The following CACNA1A variants were observed in gnomAD, a reference collection of about 807,000 sequenced individuals.
The protein encoded by CACNA1A is calcium voltage-gated channel subunit alpha1 A.
CACNA1A carries 57 observed loss-of-function variants against 262.4 expected under a neutral mutation model. The observed-to-expected ratio is 0.22, with a 90% CI of 0.18 to 0.27. The LOEUF is 0.27. Ranked by LOEUF, CACNA1A falls within the 10% of genes least tolerant of loss-of-function variation. The pLI is 1.00. For synonymous variants in CACNA1A, 1,431 were observed against 1,419.3 expected (o/e 1.01, Z -0.18); for missense variants, 2,526 against 3,562.8 (o/e 0.71, Z 7.41).
intron 3 of CACNA1A, among the ~76,000 whole-genome samples, chr19:13,384,323 AG>A (rs1169961770): frequency 6.6e-6 from 1 of 152,144 alleles, no homozygotes; most frequent in Non-Finnish European, 1.5e-5. Context: ...GAAAAAGCCA[AG>A]GGTCCCCAGT....
chr19:13,430,576 G>A (rs2060489003), intron 3 of CACNA1A, among the ~76,000 whole-genome samples: 1 of 152,118 alleles, frequency 6.6e-6, no homozygotes, highest in African/African-American at 2.4e-5. Flanking sequence ...GTCATGGCAG[G>A]GGCTTGATGC....
chr19:13,409,756 C>T (rs2060077288), intron 3 of CACNA1A, among the ~76,000 whole-genome samples: 1 of 152,016 alleles, frequency 6.6e-6, no homozygotes, highest in African/African-American at 2.4e-5. Flanking sequence ...GTTGCTTAGG[C>T]TGATCTCGAA....
intron 3 of CACNA1A, among the ~76,000 whole-genome samples, chr19:13,432,459 A>C (rs1032812486): frequency 2.0e-5 from 3 of 151,468 alleles, no homozygotes; most frequent in African/African-American, 7.3e-5. Context: ...AAAAATTAAA[A>C]ATTTCAAAAA....
intron 6 of CACNA1A, among the ~76,000 whole-genome samples, chr19:13,354,192 T>C (rs1277193034): frequency 1.3e-5 from 2 of 152,174 alleles, no homozygotes; most frequent in African/African-American, 2.4e-5. Context: ...GTGGGAAGCC[T>C]CTGCGGTACA....
At chr19:13,477,594 CTTA>C (rs1739001382) in intron 1 of CACNA1A, among the ~76,000 whole-genome samples, 1 of 152,160 alleles carries the variant, frequency 6.6e-6, no homozygotes, top group Admixed American at 6.5e-5. Flanking sequence ...GCGATCGTTC[CTTA>C]TTATTATTCA....
At chr19:13,471,907 C>A (rs930017784) in intron 1 of CACNA1A, among the ~76,000 whole-genome samples, 3 of 152,074 alleles carry the variant, frequency 2.0e-5, no homozygotes, top group Non-Finnish European at 2.9e-5. Context: ...GCGCTGAATG[C>A]CACTGAATTG....
rs1161893626 is a variant in CACNA1A, at chr19:13,388,245, CTTTTTTTT to C, written c.540-16474_540-16467del. The stretch of plus-strand genomic sequence containing the variant: ...CTTGAAAAAACGATTTCTTCCTCTT[CTTTTTTTT>C]TTTTTTTTTTTTTTTTTTTTGAGAC... On this transcript the variant is annotated intron_variant, in intron 3 of 46. Transcript: ENST00000360228. 9.5e-3 allele frequency among the ~76,000 whole-genome samples: 811 copies of C among 85,712 alleles called. 9 individuals carry two copies. The highest frequency in any genetic ancestry group is 0.043 in the Admixed American group (287 of 6,656). 56.2% of individuals were successfully genotyped at this position (85,712 alleles called of 152,430 possible). A position where few individuals can be genotyped will look rare whatever the true frequency, so the allele number is the denominator to read the frequency against.
At chr19:13,435,236 C>G (rs780374350) in intron 3 of CACNA1A, among the ~76,000 whole-genome samples, 8 of 151,856 alleles carry the variant, frequency 5.3e-5, no homozygotes, top group Non-Finnish European at 1.2e-4. Flanking sequence ...GCCTCAGCCT[C>G]CTGGGTAGCT....
At chr19:13,358,254 T>C (rs2059041601) in intron 6 of CACNA1A, among the ~76,000 whole-genome samples, 2 of 152,094 alleles carry the variant, frequency 1.3e-5, no homozygotes, top group Non-Finnish European at 2.9e-5. Flanking sequence ...CACAATAGAA[T>C]GCTATGCAGC....
chr19:13,283,637 C>T (rs1193842001), intron 21 of CACNA1A: 3 of 439,570 alleles, frequency 6.8e-6, no homozygotes, highest in Non-Finnish European at 1.2e-5. Flanking sequence ...GTTCCTATCA[C>T]TCCCAAACGA....
intron 3 of CACNA1A, among the ~76,000 whole-genome samples, chr19:13,402,873 C>CATATATAT (rs71170507): frequency 7.0e-4 from 51 of 72,802 alleles, no homozygotes; most frequent in South Asian, 1.5e-3. Context: ...CACACACACA[C>CATATATAT]ATATATATAT....
chr19:13,487,730 A>C (rs2145111072), intron 1 of CACNA1A, among the ~76,000 whole-genome samples: 1 of 151,716 alleles, frequency 6.6e-6, no homozygotes, highest in South Asian at 2.1e-4. Flanking sequence ...AAGGCTGCTG[A>C]CCTCATTTTT....
chr19:13,269,294 T>C (rs1008478552), intron 24 of CACNA1A, among the ~76,000 whole-genome samples: 1 of 152,246 alleles, frequency 6.6e-6, no homozygotes, highest in Non-Finnish European at 1.5e-5. Context: ...ATGACCATTT[T>C]CCAGATGAGG....
intron 3 of CACNA1A, among the ~76,000 whole-genome samples, chr19:13,407,979 C>T (rs1233456332): frequency 6.6e-6 from 1 of 152,084 alleles, no homozygotes; most frequent in Non-Finnish European, 1.5e-5. Context: ...CCCCCCCTCA[C>T]TCTCTCTCTC....
intron 3 of CACNA1A, among the ~76,000 whole-genome samples, chr19:13,444,563 C>G (rs1293812731): frequency 1.3e-5 from 2 of 152,252 alleles, no homozygotes; most frequent in African/African-American, 4.8e-5. Flanking sequence ...TGGGATTATT[C>G]TCTGAGGATC....
intron 3 of CACNA1A, among the ~76,000 whole-genome samples, chr19:13,397,841 T>C (rs2059835252): frequency 1.3e-5 from 2 of 152,210 alleles, no homozygotes; most frequent in Non-Finnish European, 2.9e-5. Context: ...TTTTCCCTTC[T>C]GTGGCTTGAT....
chr19:13,212,240 G>A lies in CACNA1A; in HGVS notation c.6190-24C>T, dbSNP rs2054839337. 1.2e-6 allele frequency: 2 copies of A among 1,606,496 alleles called. No homozygotes were observed. The highest frequency in any genetic ancestry group is 1.1e-5 in the South Asian group (1 of 90,746). ...GACTGCGGAGCAGATGGCAAAGCCA[G>A]ATGAGCTCTGGGGCCTGACCTCCAG... On this transcript the variant is annotated intron_variant, in intron 42 of 46. Coordinates refer to ENST00000360228, the MANE Select transcript of CACNA1A (RefSeq NM_001127222.2). The surrounding 1 kb of genome is among the most constrained non-coding windows in gnomAD (Gnocchi z 5.6).
intron 3 of CACNA1A, among the ~76,000 whole-genome samples, chr19:13,436,036 G>A (rs1228512699): frequency 2.0e-5 from 3 of 152,062 alleles, no homozygotes; most frequent in Non-Finnish European, 4.4e-5. Context: ...TGTTGGCTAC[G>A]CTGGTCTTGA....
chr19:13,283,234 A>C, intron 22 of CACNA1A, 33 bp downstream of exon 22: 1 of 1,605,064 alleles, frequency 6.2e-7, no homozygotes, highest in Non-Finnish European at 8.5e-7. Context: ...CAGAGCAGCC[A>C]GGCTAGGAAG....
Sources: gnomAD v4.1 joint callset for allele counts (sites outside exome capture counted in the v4.1 genomes callset) on GRCh38, gnomAD v4.1.1 for gene constraint, Gnocchi (gnomAD v3.1) non-coding constraint, MANE v1.5 for transcripts, NCBI Gene and HGNC (gene_info 2026-07-23, HGNC 2026-07-21) for gene names.